Variants in MYBPC1 observed in about 807,000 individuals in gnomAD.
MYBPC1 encodes the protein myosin binding protein C1, also known as myosin-binding protein C, slow-type.
MYBPC1 carries 52 observed loss-of-function variants against 147.1 expected under a neutral mutation model. That is an observed-to-expected ratio of 0.35 (90% CI 0.28 to 0.45). The LOEUF (loss-of-function observed/expected upper bound fraction) is 0.45. Ranked by LOEUF, MYBPC1 falls within the 20% of genes least tolerant of loss-of-function variation. The probability of loss-of-function intolerance (pLI) is 1.00; values close to 1 mark genes in which losing one functional copy is unlikely to be tolerated. For missense variants in MYBPC1, 1,228 were observed against 1,440.3 expected (o/e 0.85, Z 2.39); for synonymous variants, 477 against 475.9 (o/e 1.00, Z -0.03).
Position 101,648,029 on chromosome 12 carries a change from C to G in MYBPC1, c.1091-16C>G. The G allele has an allele frequency of 6.3e-7, 1 of 1,581,824 alleles. No homozygotes were observed. Among genetic ancestry groups the G allele is most frequent in the Non-Finnish European group, 8.7e-7 (1 of 1,151,064 alleles). On this transcript the variant is annotated splice_polypyrimidine_tract_variant and intron_variant, in intron 13 of 31. Coordinates refer to ENST00000361466, the MANE Select transcript of MYBPC1 (RefSeq NM_002465.4). Reference sequence around the variant, plus strand: ...TGGATATTTAATGATTCTGATTTCCCCTTTTTGTATACTAGAGCCTCCAAT... The same window carrying G: ...TGGATATTTAATGATTCTGATTTCCGCTTTTTGTATACTAGAGCCTCCAAT...
chr12:101,667,606 A>G, intron 22 of MYBPC1, 126 bp from the exon 23 acceptor site: 1 of 1,151,778 alleles, frequency 8.7e-7, no homozygotes, highest in South Asian at 1.3e-5. Flanking sequence ...GACCAAAGTC[A>G]TAATGTCTCT....
At chr12:101,680,649 G>A (rs1022580265) in intron 29 of MYBPC1, 120 bp downstream of exon 29, 3 of 1,199,676 alleles carry the variant, frequency 2.5e-6, no homozygotes, top group Non-Finnish European at 3.6e-6. Flanking sequence ...GAGGGTGGGA[G>A]AGGGTGGTGA....
intron 8 of MYBPC1, among the ~76,000 whole-genome samples, chr12:101,632,451 A>G (rs1233488379): frequency 2.0e-5 from 3 of 152,156 alleles, no homozygotes; most frequent in Non-Finnish European, 4.4e-5. Flanking sequence ...CCACTTTCCC[A>G]CTTAGGTTTG....
At chr12:101,664,731 C>G (rs1266248446) in intron 22 of MYBPC1, 1 of 152,184 alleles carries the variant, frequency 6.6e-6, no homozygotes, top group Non-Finnish European at 1.5e-5. Flanking sequence ...TGCACCTACT[C>G]CACACACAGA....
chr12:101,633,093 G>C (rs1480815965), intron 8 of MYBPC1, among the ~76,000 whole-genome samples: 1 of 152,200 alleles, frequency 6.6e-6, no homozygotes, highest in Admixed American at 6.5e-5. Context: ...TTTAGGAAGT[G>C]ATACTTCTCT....
chr12:101,613,097 A>C (rs1413012225), intron 1 of MYBPC1, among the ~76,000 whole-genome samples: 1 of 152,208 alleles, frequency 6.6e-6, no homozygotes, highest in Admixed American at 6.5e-5. Context: ...TGGCCATCTG[A>C]ATAAAAGTTT....
intron 1 of MYBPC1, among the ~76,000 whole-genome samples, chr12:101,603,711 G>T (rs184340327): frequency 6.6e-6 from 1 of 152,296 alleles, no homozygotes; most frequent in Admixed American, 6.5e-5. Context: ...GGAGGCCAAG[G>T]CCAGAGAATT....
chr12:101,624,729 G>A (rs557008270), intron 3 of MYBPC1, among the ~76,000 whole-genome samples: 2 of 68,390 alleles, frequency 2.9e-5, no homozygotes, highest in South Asian at 1.2e-3. Context: ...GTCTTGTTAT[G>A]TTGCCCAGGC....
chr12:101,635,659 T>G (rs1890837870), intron 9 of MYBPC1, among the ~76,000 whole-genome samples: 1 of 152,160 alleles, frequency 6.6e-6, no homozygotes, highest in African/African-American at 2.4e-5. Context: ...TCTACTAAGT[T>G]TTGAGCTTTA....
intron 26 of MYBPC1, 128 bp from the exon 27 acceptor site, chr12:101,677,107 T>A: frequency 1.2e-6 from 1 of 845,498 alleles, no homozygotes; most frequent in Non-Finnish European, 1.8e-6. Flanking sequence ...TTACTCTCCA[T>A]ATAAAAATGA....
intron 31 of MYBPC1, among the ~76,000 whole-genome samples, 185 bp downstream of exon 31, chr12:101,684,609 C>T (rs1951240389): frequency 6.6e-6 from 1 of 152,162 alleles, no homozygotes; most frequent in Non-Finnish European, 1.5e-5. Flanking sequence ...TTATCCATCA[C>T]AGCAGTCTCC....
intron 25 of MYBPC1, among the ~76,000 whole-genome samples, chr12:101,673,921 C>T (rs1899271519): frequency 1.3e-5 from 2 of 152,004 alleles, no homozygotes; most frequent in South Asian, 4.1e-4. Flanking sequence ...GGCATGGTGG[C>T]GTGCACCTGT....
intron 5 of MYBPC1, 168 bp downstream of exon 5, chr12:101,627,972 CAATT>C (rs2136005472): frequency 1.3e-6 from 1 of 797,042 alleles, no homozygotes; most frequent in East Asian, 2.9e-5. Context: ...TATTGAGAAA[CAATT>C]AATTTTGCAT....
chr12:101,649,787 C>T (rs1282772006), intron 15 of MYBPC1, among the ~76,000 whole-genome samples: 1 of 152,120 alleles, frequency 6.6e-6, no homozygotes, highest in Non-Finnish European at 1.5e-5. Context: ...TTACATTTGG[C>T]ATGAGAAGAA....
intron 18 of MYBPC1, among the ~76,000 whole-genome samples, chr12:101,658,447 G>T (rs1261766264): frequency 6.6e-6 from 1 of 151,868 alleles, no homozygotes; most frequent in African/African-American, 2.4e-5. Context: ...ATACTTAACA[G>T]TGAGAAACTT....
chr12:101,610,722 T>C (rs999731757), intron 1 of MYBPC1, among the ~76,000 whole-genome samples: 6 of 152,180 alleles, frequency 3.9e-5, no homozygotes, highest in African/African-American at 9.7e-5. Flanking sequence ...GCAACATCCA[T>C]ATGAGGTTAT....
At chr12:101,694,777 C>A in the MYBPC1 span, among the ~76,000 whole-genome samples, 1 of 150,714 alleles carries the variant, frequency 6.6e-6, no homozygotes, top group Non-Finnish European at 1.5e-5. Flanking sequence ...TTTCACTCAA[C>A]ATATGCTTGT....
intron 3 of MYBPC1, among the ~76,000 whole-genome samples, chr12:101,626,088 CAAAAAA>C (rs769008600): frequency 1.5e-4 from 8 of 55,086 alleles, no homozygotes; most frequent in African/African-American, 2.6e-4. Flanking sequence ...AACTCTGTCT[CAAAAAA>C]AAAAAAAAAA....
intron 31 of MYBPC1, 48 bp downstream of exon 31, chr12:101,684,472 G>A (rs1002265705): frequency 1.2e-5 from 17 of 1,387,854 alleles, no homozygotes; most frequent in Admixed American, 8.4e-5. Context: ...ACTGTCATAA[G>A]CCATACCAAG....
Sources: allele counts gnomAD v4.1 joint callset (sites outside exome capture counted in the v4.1 genomes callset), GRCh38; gene constraint gnomAD v4.1.1; transcripts MANE v1.5; gene names NCBI Gene and HGNC (gene_info 2026-07-23, HGNC 2026-07-21).